Variants in ANKIB1 observed in about 807,000 individuals in gnomAD.
ANKIB1 encodes the protein ankyrin repeat and IBR domain containing 1.
In ANKIB1, 43 loss-of-function variants were observed where a neutral mutation model predicts 122.1. The observed-to-expected ratio is 0.35, with a 90% CI of 0.28 to 0.45. The LOEUF (loss-of-function observed/expected upper bound fraction) is 0.45. Among genes scored for constraint, ANKIB1 ranks in the 20% least tolerant of loss-of-function variants. The pLI is 1.00. For missense variants in ANKIB1, 992 were observed against 1,329.5 expected (o/e 0.75, Z 3.95); for synonymous variants, 390 against 442.0 (o/e 0.88, Z 1.48).
rs1264348889 is a variant in ANKIB1 at position 92,246,142 on chromosome 7, G to GC, written c.-467dup. The GC allele has an allele frequency of 1.4e-5, 4 of 295,666 alleles. No individual in the cohort carries two copies. Among genetic ancestry groups the GC allele is most frequent in the African/African-American group, 9.5e-5 (4 of 42,178 alleles). The allele number at this position is 295,666 out of a possible 1,614,324, so 18.3% of individuals were successfully genotyped here. ...GGAGGGGAAGAGGGCGGCCGGGGCT[G>GC]CGAGCGCGCAAGGCTGGAACATGAG... On this transcript the variant is annotated 5_prime_UTR_variant, in exon 1 of 20. Coordinates refer to ENST00000265742, the MANE Select transcript of ANKIB1 (RefSeq NM_019004.2).
At chr7:92,388,884 T>G (rs1804725166) in intron 14 of ANKIB1, among the ~76,000 whole-genome samples, 1 of 152,164 alleles carries the variant, frequency 6.6e-6, no homozygotes, top group Non-Finnish European at 1.5e-5. Context: ...AATTATTAGT[T>G]CTTAGACTTC....
chr7:92,371,361 A>C, intron 10 of ANKIB1, 116 bp from the exon 11 acceptor site: 1 of 873,084 alleles, frequency 1.1e-6, no homozygotes, highest in Non-Finnish European at 1.7e-6. Flanking sequence ...TCAGAAAATA[A>C]ATATTTTATT....
chr7:92,355,357 AT>A (rs146030142), intron 9 of ANKIB1, among the ~76,000 whole-genome samples: 5,166 of 152,084 alleles, frequency 0.034, 254 homozygotes, highest in African/African-American at 0.11. Context: ...CTCTTCACAG[AT>A]TTGTTGTCAG....
chr7:92,288,287 T>C (rs1295395450), intron 1 of ANKIB1, among the ~76,000 whole-genome samples: 1 of 152,176 alleles, frequency 6.6e-6, no homozygotes, highest in African/African-American at 2.4e-5. Flanking sequence ...TAGGTATAAA[T>C]CTGACAAATA....
intron 1 of ANKIB1, among the ~76,000 whole-genome samples, chr7:92,291,618 C>T (rs1562772860): frequency 2.1e-5 from 3 of 144,594 alleles, no homozygotes; most frequent in Non-Finnish European, 1.5e-5. Context: ...TGGCCTGGGC[C>T]TGGGCTGGAG....
intron 11 of ANKIB1, among the ~76,000 whole-genome samples, chr7:92,381,708 A>G (rs1804519468): frequency 6.6e-6 from 1 of 152,224 alleles, no homozygotes; most frequent in South Asian, 2.1e-4. Context: ...TTTTGTCACC[A>G]CCAGACCTGC....
At position 92,272,991 on chromosome 7, in the gene ANKIB1, A is replaced by C. The variant is rs11978240; in HGVS notation, c.-90-21898A>C. On this transcript the variant is annotated intron_variant, in intron 1 of 19. Transcript: ENST00000265742. ...ATTGAAACATATCAAAACATAGAAA[A>C]ATTATAGTGAAAATACAGCATCATT... is the stretch of plus-strand genomic sequence containing the variant. 7.2e-3 allele frequency among the ~76,000 whole-genome samples: 1,093 copies of C among 152,298 alleles called. 11 individuals carry two copies. Among genetic ancestry groups the C allele is most frequent in the African/African-American group, 0.025 (1,041 of 41,560 alleles).
At chr7:92,264,339 A>G (rs1018696514) in intron 1 of ANKIB1, among the ~76,000 whole-genome samples, 2 of 152,122 alleles carry the variant, frequency 1.3e-5, no homozygotes, top group Admixed American at 6.5e-5. Flanking sequence ...CCATAGTAAC[A>G]ATTCAGAGAA....
intron 3 of ANKIB1, among the ~76,000 whole-genome samples, chr7:92,315,563 G>A (rs1024547690): frequency 1.8e-4 from 27 of 152,138 alleles, no homozygotes; most frequent in African/African-American, 5.8e-4. Context: ...GTGCCTATGA[G>A]GGAAACACAA....
At chr7:92,371,395 GAA>G in intron 10 of ANKIB1, 80 bp from the exon 11 acceptor site, 1 of 1,242,268 alleles carries the variant, frequency 8.0e-7, no homozygotes, top group Admixed American at 2.5e-5. Context: ...AGCCTGCAAA[GAA>G]AAGTGTGGAG....
rs1486434064 is a variant in ANKIB1, at chr7:92,399,429, TA to T, written c.*481del. 6.6e-6 allele frequency: 1 copy of T among 152,278 alleles called. No individual in the cohort carries two copies. The allele number at this position is 152,278 out of a possible 1,614,324, so 9.4% of individuals were successfully genotyped here. A position where few individuals can be genotyped will look rare whatever the true frequency, so the allele number is the denominator to read the frequency against. On this transcript the variant is annotated 3_prime_UTR_variant, in exon 20 of 20. Coordinates refer to ENST00000265742, the MANE Select transcript of ANKIB1 (RefSeq NM_019004.2). ...AATCTCTTTGTGCTCTTCCATAACT[TA>T]CTTCCTTTTTGTCTGAGCAATGTGA...
intron 1 of ANKIB1, among the ~76,000 whole-genome samples, chr7:92,273,007 C>A (rs976633181): frequency 2.0e-5 from 3 of 152,098 alleles, no homozygotes; most frequent in Admixed American, 1.3e-4. Flanking sequence ...AGTGAAAATA[C>A]AGCATCATTG....
chr7:92,315,973 A>G (rs1802785455), intron 3 of ANKIB1, among the ~76,000 whole-genome samples: 1 of 152,164 alleles, frequency 6.6e-6, no homozygotes, highest in South Asian at 2.1e-4. Context: ...GATCAAAGGG[A>G]TGGGGTAGGG....
At chr7:92,346,691 A>G (rs1803547612) in intron 7 of ANKIB1, among the ~76,000 whole-genome samples, 1 of 152,186 alleles carries the variant, frequency 6.6e-6, no homozygotes, top group African/African-American at 2.4e-5. Context: ...TGTTAACTGT[A>G]CTTAATTAGG....
chr7:92,257,126 C>G (rs1159762420), intron 1 of ANKIB1, among the ~76,000 whole-genome samples: 1 of 150,796 alleles, frequency 6.6e-6, no homozygotes, highest in Non-Finnish European at 1.5e-5. Flanking sequence ...AGAGGCGGAG[C>G]TTGCAGTGAG....
intron 11 of ANKIB1, among the ~76,000 whole-genome samples, chr7:92,384,782 C>T (rs1053405092): frequency 1.3e-5 from 2 of 152,068 alleles, no homozygotes; most frequent in Admixed American, 6.6e-5. Flanking sequence ...CCATAAAAAC[C>T]GTAGAAGAAA....
intron 2 of ANKIB1, among the ~76,000 whole-genome samples, chr7:92,299,464 G>A (rs1356446484): frequency 1.3e-5 from 2 of 152,104 alleles, no homozygotes; most frequent in Non-Finnish European, 2.9e-5. Context: ...AGAAATTACC[G>A]ATGTTGAATT....
At chr7:92,378,314 A>G (rs980350690) in intron 11 of ANKIB1, among the ~76,000 whole-genome samples, 12 of 152,202 alleles carry the variant, frequency 7.9e-5, no homozygotes, top group Admixed American at 7.9e-4. Context: ...GTGCTGAAAA[A>G]GTTTTGGATT....
chr7:92,323,471 CT>C (rs148964704), intron 4 of ANKIB1, among the ~76,000 whole-genome samples: 15,428 of 152,082 alleles, frequency 0.1, 977 homozygotes, highest in Middle Eastern at 0.23. Context: ...AGAGTTATAA[CT>C]TTTTTTCCTT....
Sources: gnomAD v4.1 joint callset for allele counts (sites outside exome capture counted in the v4.1 genomes callset) on GRCh38, gnomAD v4.1.1 for gene constraint, MANE v1.5 for transcripts, NCBI Gene and HGNC (gene_info 2026-07-23, HGNC 2026-07-21) for gene names.